CEP72: variants seen among roughly 807,000 people sequenced by gnomAD.
The protein encoded by CEP72 is centrosomal protein of 72 kDa.
A neutral mutation model predicts 65.7 loss-of-function variants in CEP72; 78 were observed. That is an observed-to-expected ratio of 1.19 (90% CI 0.99 to 1.43). The LOEUF is 1.43. Among genes scored for constraint, CEP72 ranks in the 40% most tolerant of loss-of-function variants. The pLI is 0.00. For synonymous variants in CEP72, 358 were observed against 351.7 expected (o/e 1.02, Z -0.20); for missense variants, 914 against 832.9 (o/e 1.10, Z -1.20).
At chr5:669,682 C>T (rs1740129200), downstream of CEP72, among the ~76,000 whole-genome samples, 1 of 152,064 alleles carries the variant, frequency 6.6e-6, no homozygotes, top group African/African-American at 2.4e-5. Context: ...TGAGGGGCTC[C>T]CCCATCAGAG....
At chr5:615,026 G>GTT (rs111984966) in intron 1 of CEP72, among the ~76,000 whole-genome samples, 1 of 139,996 alleles carries the variant, frequency 7.1e-6, no homozygotes, top group African/African-American at 2.6e-5. Context: ...GGATTTGTCT[G>GTT]TTTTTTTTTT....
rs771241953 is a variant in CEP72, at chr5:653,070, C to T, written c.1861C>T (p.His621Tyr). The T allele has an allele frequency of 6.2e-7, 1 of 1,613,748 alleles. No homozygotes were observed. Among genetic ancestry groups the T allele is most frequent in the Admixed American group, 1.7e-5 (1 of 59,996 alleles). Residue 621 changes from histidine (H) to tyrosine (Y), a missense_variant, in exon 12 of 12, where the codon CAC becomes TAC. By Grantham distance (83) the His-to-Tyr change is moderately conservative. Coordinates refer to ENST00000264935, the MANE Select transcript of CEP72 (RefSeq NM_018140.4). ...GCACAGAGCCGAGGTGGAGCAGATG[C>T]ACTGGAGCTACCAGGAGCTCAAGAA... is the stretch of plus-strand genomic sequence containing the variant. The part of the protein sequence containing the change: ...AQHRAEVEQM[H>Y]WSYQELKKTM...
chr5:662,935 T>C (rs1014217526), intron 1 of CEP72: 1 of 138,924 alleles, frequency 7.2e-6, no homozygotes, highest in African/African-American at 2.8e-5. Context: ...TCGTCTGTGA[T>C]CGGGTGAGTC....
chr5:628,151 T>A (rs534078396), intron 4 of CEP72, among the ~76,000 whole-genome samples: 6 of 152,356 alleles, frequency 3.9e-5, no homozygotes, highest in Admixed American at 3.9e-4. Context: ...GGGTCGTCTT[T>A]GTGGACATTC....
chr5:655,282 C>T (rs1362201539), downstream of CEP72, among the ~76,000 whole-genome samples: 1 of 151,988 alleles, frequency 6.6e-6, no homozygotes, highest in African/African-American at 2.4e-5. This position sits in a 1 kb window ranked among gnomAD's most constrained non-coding sequence, Gnocchi z 5.0. Flanking sequence ...TCGTTTGAAC[C>T]TGGGAGGCGG....
At chr5:631,585 T>G (rs1416713420) in intron 4 of CEP72, among the ~76,000 whole-genome samples, 1 of 35,050 alleles carries the variant, frequency 2.9e-5, no homozygotes, top group Non-Finnish European at 4.8e-5. Context: ...CTGGTGGGGT[T>G]CTGTCCAGTG....
chr5:633,704 G>T, intron 4 of CEP72, 65 bp from the exon 5 acceptor site: 1 of 1,490,220 alleles, frequency 6.7e-7, no homozygotes, highest in Non-Finnish European at 9.3e-7. Flanking sequence ...TCCTTCTCCT[G>T]GTCTGCGTGG....
rs779009053 is a variant in CEP72 at position 619,067 on chromosome 5, A to G, written c.160A>G (p.Thr54Ala). ...THLGHSLMSL[T>A]GLKSLDLSRN... is the part of the protein sequence containing the mutation. ...CCTGGGACATTCTCTGATGAGTTTA[A>G]CAGGTCTGAAATCTTTGGATCTCTC... The change falls in exon 2 of 12, where the codon ACA (threonine) becomes GCA (alanine). Residue 54 changes from threonine (T) to alanine (A), a missense_variant. Physicochemically the swap from Thr to Ala is moderately conservative, Grantham distance 58. Transcript: ENST00000264935. The G allele has an allele frequency of 1.2e-6, 2 of 1,613,832 alleles. No homozygotes were observed. Among genetic ancestry groups the G allele is most frequent in the East Asian group, 4.5e-5 (2 of 44,878 alleles).
rs879624960 is a variant in CEP72, at chr5:612,533, C to T, written c.82+90C>T. 4.4e-4 allele frequency: 571 copies of T among 1,301,020 alleles called. 1 individual carries two copies. Among genetic ancestry groups the T allele is most frequent in the Middle Eastern group, 2.3e-3 (8 of 3,412 alleles). The allele number at this position is 1,301,020 out of a possible 1,614,324, so 80.6% of individuals were successfully genotyped here. On this transcript the variant is annotated intron_variant, in intron 1 of 11. Transcript: ENST00000264935. ...GGGGCGGCGGCGGACCGTGGGCAGG[C>T]GGGACCCGTCTACGCAGGCGCCGCG...
At chr5:656,555 G>A (rs1214952283), downstream of CEP72, among the ~76,000 whole-genome samples, 1 of 152,178 alleles carries the variant, frequency 6.6e-6, no homozygotes, top group African/African-American at 2.4e-5. Context: ...TTTTAAAAAT[G>A]TGCTTGGATT....
intron 3 of CEP72, among the ~76,000 whole-genome samples, chr5:621,057 T>C (rs1344255404): frequency 6.6e-6 from 1 of 152,160 alleles, no homozygotes; most frequent in Non-Finnish European, 1.5e-5. Flanking sequence ...TCAGTCCTCC[T>C]GTGTGAAGTG....
Position 612,377 on chromosome 5 carries a change from C to G in CEP72, c.16C>G (p.Pro6Ala), listed in dbSNP as rs774263225. ...CGTTTGAAACATGGCGCGGGCTGGC[C>G]CTCGGCTGGTGCTGAGCGAGGAGGC... Reference protein sequence around the residue: MARAGPRLVLSEEAVR... With the variant: MARAGARLVLSEEAVR... The change falls in exon 1 of 12, where the codon CCT becomes GCT. Residue 6 changes from proline (P) to alanine (A), a missense_variant. Physicochemically the swap from Pro to Ala is conservative, Grantham distance 27 (BLOSUM62 -1). Transcript: ENST00000264935. 1.5e-5 allele frequency: 22 copies of G among 1,491,376 alleles called. No individual in the cohort carries two copies. Among genetic ancestry groups the G allele is most frequent in the Non-Finnish European group, 2.0e-5 (22 of 1,125,738 alleles). 92.4% of individuals were successfully genotyped at this position (1,491,376 alleles called of 1,614,324 possible). A position where few individuals can be genotyped will look rare whatever the true frequency, so the allele number is the denominator to read the frequency against.
chr5:641,403 G>A (rs547445382), intron 9 of CEP72: 31 of 985,452 alleles, frequency 3.1e-5, no homozygotes, highest in African/African-American at 1.0e-4. Flanking sequence ...TTTAAATTGC[G>A]AGTGAAGTCG....
At chr5:639,687 A>C (rs1737869957) in intron 8 of CEP72, among the ~76,000 whole-genome samples, 1 of 152,152 alleles carries the variant, frequency 6.6e-6, no homozygotes, top group African/African-American at 2.4e-5. Flanking sequence ...GTTGGATTCT[A>C]CCAGGCAACC....
intron 11 of CEP72, among the ~76,000 whole-genome samples, chr5:650,772 T>C (rs772244578): frequency 3.4e-3 from 51 of 14,890 alleles, no homozygotes; most frequent in African/African-American, 7.1e-3. Context: ...GACTGTGAGG[T>C]GTGACTGTGA....
chr5:635,356 T>G lies in CEP72; in HGVS notation c.692-16T>G. 1 of 1,518,798 alleles carries G rather than the reference T, an allele frequency of 6.6e-7. No homozygotes were observed. The highest frequency in any genetic ancestry group is 9.0e-7 in the Non-Finnish European group (1 of 1,110,790). The allele number at this position is 1,518,798 out of a possible 1,614,324, so 94.1% of individuals were successfully genotyped here. A position where few individuals can be genotyped will look rare whatever the true frequency, so the allele number is the denominator to read the frequency against. ...ACAATGTTTTATGAAATATTTTATT[T>G]ACAATATTTTAATAGAATCCAGACA... On this transcript the variant is annotated splice_polypyrimidine_tract_variant and intron_variant, in intron 5 of 11. Coordinates refer to ENST00000264935, the MANE Select transcript of CEP72 (RefSeq NM_018140.4).
rs1437719128 is a variant in CEP72, at chr5:624,870, T to C, written c.512+291T>C. On this transcript the variant is annotated intron_variant, in intron 4 of 11. Transcript: ENST00000264935. This position sits in a 1 kb window ranked among gnomAD's most constrained non-coding sequence, Gnocchi z 4.7. ...CTGTCCCTTTCCCGGGGCTGGCAGC[T>C]CTCACGTCTGTGGCTGCCTCTGCTT... Among the ~76,000 whole-genome samples the C allele has an allele frequency of 6.6e-6, 1 of 152,238 alleles. No homozygotes were observed. The highest frequency in any genetic ancestry group is 1.5e-5 in the Non-Finnish European group (1 of 68,038).
chr5:666,189 G>A, intron 4 of CEP72: 1 of 1,567,582 alleles, frequency 6.4e-7, no homozygotes, highest in Non-Finnish European at 8.6e-7. Context: ...CCCACGCGTG[G>A]GTCTGAGCAG....
At chr5:628,091 T>C (rs1181833525) in intron 4 of CEP72, among the ~76,000 whole-genome samples, 1 of 152,232 alleles carries the variant, frequency 6.6e-6, no homozygotes, top group Admixed American at 6.5e-5. Context: ...CAGAATATGC[T>C]TCATAGCACA....
Sources: allele counts gnomAD v4.1 joint callset (sites outside exome capture counted in the v4.1 genomes callset), GRCh38; gene constraint gnomAD v4.1.1; non-coding constraint Gnocchi (gnomAD v3.1); transcripts MANE v1.5; gene names NCBI Gene and HGNC (gene_info 2026-07-23, HGNC 2026-07-21).